The following RNF150 variants were observed in gnomAD, a reference collection of about 807,000 sequenced individuals.
The protein encoded by RNF150 is ring finger protein 150.
In RNF150, 24 loss-of-function variants were observed where a neutral mutation model predicts 39.3. The ratio of observed to expected loss-of-function variants is 0.61; its 90% CI spans 0.44 to 0.86. The LOEUF is 0.86. Ranked by LOEUF, RNF150 falls within the 40% of genes least tolerant of loss-of-function variation. The pLI is 0.00. For synonymous variants in RNF150, 255 were observed against 227.3 expected (o/e 1.12, Z -1.10); for missense variants, 502 against 587.8 (o/e 0.85, Z 1.51).
intron 1 of RNF150, among the ~76,000 whole-genome samples, chr4:141,120,461 T>C (rs1278866909): frequency 5.3e-5 from 8 of 152,186 alleles, no homozygotes. Flanking sequence ...TGCCAAATTG[T>C]ACTTTGCTGG....
intron 1 of RNF150, among the ~76,000 whole-genome samples, chr4:141,179,795 GA>G (rs969538199): frequency 6.6e-6 from 1 of 152,168 alleles, no homozygotes; most frequent in African/African-American, 2.4e-5. Flanking sequence ...TGTGGAGCCA[GA>G]AGATCTCCTC....
At chr4:141,071,557 C>A (rs886440785) in intron 1 of RNF150, among the ~76,000 whole-genome samples, 5 of 151,936 alleles carry the variant, frequency 3.3e-5, no homozygotes, top group Admixed American at 3.3e-4. Context: ...CTGGAAAAAA[C>A]GTGAAACATT....
chr4:141,067,411 C>T (rs1419060106), intron 1 of RNF150, among the ~76,000 whole-genome samples: 1 of 152,214 alleles, frequency 6.6e-6, no homozygotes, highest in Admixed American at 6.5e-5. Context: ...TTAATTGTAG[C>T]TCCTGCAATG....
chr4:140,917,801 C>T (rs1259854119), intron 5 of RNF150, among the ~76,000 whole-genome samples: 1 of 150,318 alleles, frequency 6.7e-6, no homozygotes, highest in Non-Finnish European at 1.5e-5. Context: ...GTAAAGCACT[C>T]CTCAGCAAAT....
intron 1 of RNF150, among the ~76,000 whole-genome samples, chr4:141,009,932 A>G (rs73858473): frequency 0.076 from 11,523 of 152,114 alleles, 483 homozygotes; most frequent in Middle Eastern, 0.16. Flanking sequence ...TCAGGGTGCA[A>G]TAGATGTTGG....
chr4:141,135,043 G>T (rs972178374), upstream of RNF150, among the ~76,000 whole-genome samples: 2 of 152,208 alleles, frequency 1.3e-5, no homozygotes, highest in African/African-American at 4.8e-5. Flanking sequence ...AAATAGCATG[G>T]CTGGAAGATT....
In RNF150 at chr4:140,893,919, C is replaced by A. The variant is rs115252027; in HGVS notation, c.1198+17225G>T. ...CAGAGGCATTTCATCCTAATATTCTCCAATATATGTACAAAAGGCCAAATT... is the reference window on the plus strand; with the variant it reads ...CAGAGGCATTTCATCCTAATATTCTACAATATATGTACAAAAGGCCAAATT... On this transcript the variant is annotated intron_variant, in intron 6 of 6. Coordinates refer to ENST00000515673, the MANE Select transcript of RNF150 (RefSeq NM_020724.2). Among the ~76,000 whole-genome samples the A allele has an allele frequency of 8.5e-3, 1,297 of 152,190 alleles. 18 individuals carry two copies. Among genetic ancestry groups the A allele is most frequent in the African/African-American group, 0.029 (1,206 of 41,504 alleles).
intron 1 of RNF150, among the ~76,000 whole-genome samples, chr4:141,093,243 G>A (rs1205340557): frequency 6.6e-6 from 1 of 152,122 alleles, no homozygotes; most frequent in East Asian, 1.9e-4. Flanking sequence ...GCAGGCGCCT[G>A]TAGTCCCAGC....
intron 5 of RNF150, among the ~76,000 whole-genome samples, chr4:140,915,742 T>G (rs1193502731): frequency 1.3e-5 from 2 of 152,200 alleles, no homozygotes; most frequent in African/African-American, 4.8e-5. Context: ...ACGGGCAGAC[T>G]GCCTCCTCAA....
At chr4:140,923,190 A>C (rs1043430631) in intron 5 of RNF150, among the ~76,000 whole-genome samples, 2 of 152,198 alleles carry the variant, frequency 1.3e-5, no homozygotes, top group African/African-American at 4.8e-5. Flanking sequence ...GGCAACCTAC[A>C]GAATGGGAGA....
At chr4:141,172,134 A>C (rs966797434) in intron 1 of RNF150, among the ~76,000 whole-genome samples, 2 of 152,190 alleles carry the variant, frequency 1.3e-5, no homozygotes, top group Non-Finnish European at 2.9e-5. Context: ...TTTGCTGGTT[A>C]GCTGGTGCTT....
chr4:140,900,823 TA>T, intron 6 of RNF150, among the ~76,000 whole-genome samples: 1 of 55,182 alleles, frequency 1.8e-5, no homozygotes, highest in African/African-American at 6.4e-5. Flanking sequence ...AGGAACTTTA[TA>T]TATATATATA....
At chr4:141,042,895 G>A (rs577962736) in intron 1 of RNF150, among the ~76,000 whole-genome samples, 4 of 151,894 alleles carry the variant, frequency 2.6e-5, no homozygotes, top group East Asian at 1.9e-4. Context: ...CCTTGTCTTC[G>A]GCATACTATT....
At chr4:140,959,882 A>C (rs889925584) in intron 2 of RNF150, among the ~76,000 whole-genome samples, 1 of 152,076 alleles carries the variant, frequency 6.6e-6, no homozygotes, top group Non-Finnish European at 1.5e-5. Flanking sequence ...GTATTAGAGT[A>C]TCTCAGGCTC....
At chr4:140,921,196 AATAAT>A (rs1731120087) in intron 5 of RNF150, among the ~76,000 whole-genome samples, 2 of 151,090 alleles carry the variant, frequency 1.3e-5, no homozygotes, top group Non-Finnish European at 2.9e-5. Flanking sequence ...TAATAATAAT[AATAAT>A]ATAATTGATA....
chr4:141,115,915 G>C (rs747071133), intron 1 of RNF150, among the ~76,000 whole-genome samples: 1 of 152,128 alleles, frequency 6.6e-6, no homozygotes, highest in Non-Finnish European at 1.5e-5. Context: ...TTAACAAATG[G>C]GTTTTGGAAA....
At chr4:140,889,100 C>T (rs923255597) in intron 6 of RNF150, among the ~76,000 whole-genome samples, 14 of 151,944 alleles carry the variant, frequency 9.2e-5, no homozygotes, top group Middle Eastern at 3.4e-3. Context: ...CCAGGGTGGT[C>T]TGAAACTCCT....
At chr4:141,153,861 A>G (rs897320571) in intron 1 of RNF150, among the ~76,000 whole-genome samples, 11 of 152,170 alleles carry the variant, frequency 7.2e-5, no homozygotes, top group Admixed American at 7.2e-4. Flanking sequence ...TAGAGGAGGT[A>G]TGCAGCAGTG....
intron 1 of RNF150, among the ~76,000 whole-genome samples, chr4:141,204,146 G>A (rs1449657847): frequency 6.6e-6 from 1 of 152,136 alleles, no homozygotes; most frequent in African/African-American, 2.4e-5. Context: ...TAATTGATAT[G>A]AATAGGCTGC....
Sources: allele counts gnomAD v4.1 joint callset (sites outside exome capture counted in the v4.1 genomes callset), GRCh38; gene constraint gnomAD v4.1.1; transcripts MANE v1.5; gene names NCBI Gene and HGNC (gene_info 2026-07-23, HGNC 2026-07-21).